ADAM23: variants seen among roughly 807,000 people sequenced by gnomAD.
ADAM23 encodes ADAM metallopeptidase domain 23.
ADAM23 carries 33 observed loss-of-function variants against 120.1 expected under a neutral mutation model. That is an observed-to-expected ratio of 0.27 (90% CI 0.21 to 0.37). ADAM23 has a LOEUF of 0.37. Among genes scored for constraint, ADAM23 ranks in the 10% least tolerant of loss-of-function variants. ADAM23 has a pLI of 1.00. For missense variants in ADAM23, 862 were observed against 1,058.2 expected, an observed-to-expected ratio of 0.81 and a Z score of 2.57; for synonymous variants, 367 against 375.2, an observed-to-expected ratio of 0.98 and a Z score of 0.25.
intron 9 of ADAM23, among the ~76,000 whole-genome samples, chr2:206,551,070 T>G (rs567880086): frequency 6.6e-5 from 10 of 152,374 alleles, no homozygotes; most frequent in African/African-American, 1.9e-4. Flanking sequence ...TTAACTATAC[T>G]TAACCGTTTC....
At chr2:206,446,987 C>T (rs1695094611) in intron 2 of ADAM23, among the ~76,000 whole-genome samples, 1 of 152,178 alleles carries the variant, frequency 6.6e-6, no homozygotes, top group African/African-American at 2.4e-5. Context: ...CAAACTCCAG[C>T]ACCTTTGCTT....
intron 13 of ADAM23, among the ~76,000 whole-genome samples, chr2:206,563,405 A>G (rs1024271130): frequency 6.6e-6 from 1 of 152,236 alleles, no homozygotes; most frequent in Non-Finnish European, 1.5e-5. Flanking sequence ...TTATGGGTAC[A>G]TTAAGATAGT....
Position 206,530,958 on chromosome 2 carries a change from C to G in ADAM23, c.573+10C>G, listed in dbSNP as rs1210350979. 1 of 1,612,208 alleles carries G rather than the reference C, an allele frequency of 6.2e-7. No individual in the cohort carries two copies. Among genetic ancestry groups the G allele is most frequent in the African/African-American group, 1.3e-5 (1 of 74,846 alleles). On this transcript the variant is annotated intron_variant, in intron 4 of 25. Coordinates refer to ENST00000264377, the MANE Select transcript of ADAM23 (RefSeq NM_003812.4). ...ACCACAGTACTCTAAGGTACGGTTACCGGCGTCGGCAAGTACTCTAGTATA... is the reference window on the plus strand; with the variant it reads ...ACCACAGTACTCTAAGGTACGGTTAGCGGCGTCGGCAAGTACTCTAGTATA...
chr2:206,571,298 A>AC (rs1293527435), intron 16 of ADAM23, among the ~76,000 whole-genome samples: 1 of 151,768 alleles, frequency 6.6e-6, no homozygotes, highest in Non-Finnish European at 1.5e-5. Context: ...ACACGGTGAA[A>AC]CCCCGTCTTT....
At chr2:206,500,663 G>A (rs1696368661) in intron 3 of ADAM23, among the ~76,000 whole-genome samples, 1 of 152,124 alleles carries the variant, frequency 6.6e-6, no homozygotes, top group Non-Finnish European at 1.5e-5. Flanking sequence ...TTGGCATCAA[G>A]GGACCTCCAG....
chr2:206,561,880 A>G (rs7577671), intron 12 of ADAM23, among the ~76,000 whole-genome samples: 24,310 of 152,178 alleles, frequency 0.16, 2,082 homozygotes, highest in Admixed American at 0.22. Context: ...CCCATTTAGT[A>G]GGTACCTCTC....
chr2:206,606,268 CAAAT>C (rs1698727008), intron 24 of ADAM23, among the ~76,000 whole-genome samples: 1 of 151,992 alleles, frequency 6.6e-6, no homozygotes, highest in Admixed American at 6.6e-5. Flanking sequence ...CTGTGCCAGT[CAAAT>C]AAATTTACAT....
At chr2:206,566,975 A>G (rs1240114792) in intron 14 of ADAM23, among the ~76,000 whole-genome samples, 4 of 152,210 alleles carry the variant, frequency 2.6e-5, no homozygotes, top group African/African-American at 9.7e-5. Context: ...GCCTGGTCAC[A>G]AAAGGGCTTG....
rs189322097 is a variant in ADAM23, at chr2:206,508,113, C to T, written c.510-22772C>T. Among the ~76,000 whole-genome samples the T allele has an allele frequency of 8.2e-3, 1,245 of 152,128 alleles. 11 individuals carry two copies. Among genetic ancestry groups the T allele is most frequent in the East Asian group, 0.03 (156 of 5,134 alleles). Reference sequence around the variant, plus strand: ...GGCGCAATCTCGGCTCACTGCAAGCCCCACCTCCCAGGTTCACGCCATTCT... The same window carrying T: ...GGCGCAATCTCGGCTCACTGCAAGCTCCACCTCCCAGGTTCACGCCATTCT... On this transcript the variant is annotated intron_variant, in intron 3 of 25. Coordinates refer to ENST00000264377, the MANE Select transcript of ADAM23 (RefSeq NM_003812.4).
At chr2:206,495,587 A>C (rs1290689127) in intron 3 of ADAM23, among the ~76,000 whole-genome samples, 1 of 152,348 alleles carries the variant, frequency 6.6e-6, no homozygotes, top group South Asian at 2.1e-4. Flanking sequence ...AAGAAACTGC[A>C]TCAACTAATG....
chr2:206,532,704 C>T (rs1200388450), intron 4 of ADAM23, among the ~76,000 whole-genome samples: 1 of 152,030 alleles, frequency 6.6e-6, no homozygotes, highest in Non-Finnish European at 1.5e-5. Flanking sequence ...AATATTTTAG[C>T]ATATATTAAG....
At chr2:206,571,247 G>A (rs1303690333) in intron 16 of ADAM23, among the ~76,000 whole-genome samples, 2 of 151,496 alleles carry the variant, frequency 1.3e-5, no homozygotes, top group Non-Finnish European at 2.9e-5. Context: ...AGGCCGAGGC[G>A]GGCAGATCAC....
intron 14 of ADAM23, 148 bp from the exon 15 acceptor site, chr2:206,567,075 C>T: frequency 1.6e-6 from 1 of 612,928 alleles, no homozygotes; most frequent in Non-Finnish European, 2.8e-6. Flanking sequence ...ACTTAAGTGG[C>T]AATTTGAACA....
At chr2:206,586,708 TG>T (rs1559277909) in intron 18 of ADAM23, among the ~76,000 whole-genome samples, 1 of 152,158 alleles carries the variant, frequency 6.6e-6, no homozygotes, top group South Asian at 2.1e-4. Context: ...AGAGTAACTT[TG>T]GGGGGAAATG....
At chr2:206,566,440 G>A (rs1210798578) in intron 14 of ADAM23, among the ~76,000 whole-genome samples, 2 of 151,296 alleles carry the variant, frequency 1.3e-5, no homozygotes, top group East Asian at 1.9e-4. Context: ...ATCACGCACT[G>A]TATTCCTGAG....
At chr2:206,530,983 A>C (rs1697049569) in intron 4 of ADAM23, 35 bp downstream of exon 4, 1 of 1,583,822 alleles carries the variant, frequency 6.3e-7, no homozygotes, top group East Asian at 2.2e-5. Context: ...ACTCTAGTAT[A>C]AGTGTGCTTA....
rs1030086191 is a variant in ADAM23 at position 206,443,829 on chromosome 2, C to G, written c.-38C>G. On this transcript the variant is annotated 5_prime_UTR_variant, in exon 1 of 26. Coordinates refer to ENST00000264377, the MANE Select transcript of ADAM23 (RefSeq NM_003812.4). ...CGCCCCGCAGCTAGCCCGGCGCTCT[C>G]GCCGGCCACACGGAGCGGCGCCCGG... The G allele has an allele frequency of 1.9e-6, 2 of 1,064,506 alleles. No homozygotes were observed. Among genetic ancestry groups the G allele is most frequent in the Non-Finnish European group, 2.3e-6 (2 of 881,224 alleles). 65.9% of individuals were successfully genotyped at this position (1,064,506 alleles called of 1,614,324 possible).
chr2:206,597,324 C>T (rs1467594072), intron 24 of ADAM23, among the ~76,000 whole-genome samples: 1 of 151,012 alleles, frequency 6.6e-6, no homozygotes, highest in Admixed American at 6.6e-5. Flanking sequence ...GGATTACAGG[C>T]ACCTGCCACT....
intron 2 of ADAM23, among the ~76,000 whole-genome samples, chr2:206,445,822 A>G (rs367698171): frequency 6.6e-6 from 1 of 152,204 alleles, no homozygotes; most frequent in South Asian, 2.1e-4. Flanking sequence ...TTATGATTCT[A>G]ACTTGTTTCT....
Sources: allele counts gnomAD v4.1 joint callset (sites outside exome capture counted in the v4.1 genomes callset), GRCh38; gene constraint gnomAD v4.1.1; transcripts MANE v1.5; gene names NCBI Gene and HGNC (gene_info 2026-07-23, HGNC 2026-07-21).